The following NCALD variants were observed in gnomAD, a reference collection of about 807,000 sequenced individuals.
NCALD encodes the protein neurocalcin delta, also known as neurocalcin-delta.
NCALD carries 10 observed loss-of-function variants against 18.6 expected under a neutral mutation model. The ratio of observed to expected loss-of-function variants is 0.54; its 90% CI spans 0.33 to 0.91. The LOEUF is 0.91. NCALD is among the 40% of genes least tolerant of loss of function. NCALD has a pLI of 0.03. For synonymous variants in NCALD, 88 were observed against 87.4 expected, an observed-to-expected ratio of 1.01 and a Z score of -0.04; for missense variants, 184 against 247.6, an observed-to-expected ratio of 0.74 and a Z score of 1.72.
chr8:101,716,913 G>A (rs897494243), intron 2 of NCALD, among the ~76,000 whole-genome samples: 8 of 152,176 alleles, frequency 5.3e-5, no homozygotes, highest in Non-Finnish European at 7.3e-5. Flanking sequence ...GAGGGCCATC[G>A]GCCAAGGAAC....
chr8:102,011,501 A>G (rs1179259628), intron 2 of NCALD, among the ~76,000 whole-genome samples: 1 of 152,216 alleles, frequency 6.6e-6, no homozygotes, highest in African/African-American at 2.4e-5. Context: ...TGTTAAGACC[A>G]AGGGTACCCC....
chr8:101,810,738 C>T (rs377193138), intron 4 of NCALD, among the ~76,000 whole-genome samples: 1 of 152,038 alleles, frequency 6.6e-6, no homozygotes, highest in South Asian at 2.1e-4. Context: ...AAAAAGCACA[C>T]ACCACATACT....
chr8:101,873,756 T>G (rs1436538486), intron 4 of NCALD, among the ~76,000 whole-genome samples: 2 of 152,194 alleles, frequency 1.3e-5, no homozygotes, highest in Admixed American at 1.3e-4. Flanking sequence ...AGCCCTGAGC[T>G]TGGGGTAGAT....
intron 1 of NCALD, among the ~76,000 whole-genome samples, chr8:101,776,944 A>G (rs762966599): frequency 1.3e-5 from 2 of 152,190 alleles, no homozygotes; most frequent in Non-Finnish European, 2.9e-5. Context: ...ACCACTCTGC[A>G]GAAGAGGATA....
Position 102,036,146 on chromosome 8 carries a change from T to TAAA in NCALD, c.-209-15858_-209-15857insTTT, listed in dbSNP as rs59750368. 6.6e-3 allele frequency among the ~76,000 whole-genome samples: 958 copies of TAAA among 145,666 alleles called. 3 individuals are homozygous for TAAA. The highest frequency in any genetic ancestry group is 8.7e-3 in the Non-Finnish European group (570 of 65,710). On this transcript the variant is annotated intron_variant, in intron 1 of 6. Transcript: ENST00000311028. ...CTACAAAAATAAATAAATAAATAAATTAATTAATTAATTAAATTAGCCAGG... is the reference window on the plus strand; with the variant it reads ...CTACAAAAATAAATAAATAAATAAATAAATAATTAATTAATTAAATTAGCCAGG...
At chr8:102,106,445 G>GTATATATATATATATATATA (rs369201039) in intron 1 of NCALD, among the ~76,000 whole-genome samples, 167 of 132,406 alleles carry the variant, frequency 1.3e-3, no homozygotes, top group Non-Finnish European at 2.0e-3. Flanking sequence ...TTAGCATATA[G>GTATATATATATATATATATA]TATATATATA....
chr8:101,861,160 T>C (rs1029858031), intron 4 of NCALD, among the ~76,000 whole-genome samples: 3 of 152,112 alleles, frequency 2.0e-5, no homozygotes, highest in South Asian at 2.1e-4. Context: ...AATGGTAAGA[T>C]AGTAAATCTG....
chr8:101,756,944 T>C lies in NCALD; in HGVS notation c.-20+33918A>G, dbSNP rs1420805686. On this transcript the variant is annotated intron_variant, in intron 1 of 3. Coordinates refer to ENST00000220931, the MANE Select transcript of NCALD (RefSeq NM_032041.3). Reference sequence around the variant, plus strand: ...CAACATGGGTGTGGCTGAGAACTTCTGGAAGGATGAACACAATCAAAGACA... The same window carrying C: ...CAACATGGGTGTGGCTGAGAACTTCCGGAAGGATGAACACAATCAAAGACA... Among the ~76,000 whole-genome samples the C allele has an allele frequency of 1.3e-4, 20 of 152,234 alleles. 1 individual carries two copies. The highest frequency in any genetic ancestry group is 1.3e-3 in the Admixed American group (20 of 15,282).
At chr8:101,737,344 C>G (rs754807196) in intron 1 of NCALD, among the ~76,000 whole-genome samples, 4 of 152,196 alleles carry the variant, frequency 2.6e-5, no homozygotes, top group South Asian at 2.1e-4. Context: ...TTAATCCAAG[C>G]CTTCACTGTC....
At chr8:102,090,226 A>T (rs544808471) in intron 1 of NCALD, among the ~76,000 whole-genome samples, 124 of 152,350 alleles carry the variant, frequency 8.1e-4, no homozygotes, top group Non-Finnish European at 1.4e-3. Context: ...GATATGACTT[A>T]GTGTATGTTA....
At chr8:101,691,147 C>T (rs1032259376) in intron 3 of NCALD, 7 of 985,418 alleles carry the variant, frequency 7.1e-6, no homozygotes, top group South Asian at 4.7e-5. Flanking sequence ...TGGGGTCCAG[C>T]AGCCAAGCAC....
intron 1 of NCALD, among the ~76,000 whole-genome samples, chr8:102,091,024 A>T (rs1464524950): frequency 6.6e-6 from 1 of 152,162 alleles, no homozygotes; most frequent in Admixed American, 6.5e-5. Context: ...GTCACTTTCT[A>T]ACAGGCCCAG....
At chr8:102,060,178 T>C (rs1823794921) in intron 1 of NCALD, among the ~76,000 whole-genome samples, 1 of 151,986 alleles carries the variant, frequency 6.6e-6, no homozygotes, top group Admixed American at 6.5e-5. Context: ...AGACAGGGTT[T>C]CACTGTGTTA....
chr8:101,977,953 A>G (rs1049406821), intron 2 of NCALD, among the ~76,000 whole-genome samples: 1 of 152,134 alleles, frequency 6.6e-6, no homozygotes. Context: ...GCAGGAAATG[A>G]GCAAGCCCAG....
chr8:102,117,557 CTCACT>C (rs1210430716), intron 1 of NCALD, among the ~76,000 whole-genome samples: 3 of 151,060 alleles, frequency 2.0e-5, no homozygotes, highest in Non-Finnish European at 4.4e-5. Flanking sequence ...AGCCCAAGGT[CTCACT>C]AATGTTTAAA....
intron 1 of NCALD, among the ~76,000 whole-genome samples, chr8:101,743,691 T>C (rs1416687823): frequency 6.6e-6 from 1 of 152,206 alleles, no homozygotes; most frequent in Non-Finnish European, 1.5e-5. Flanking sequence ...TATTCACAGA[T>C]GCCAGAAGAA....
intron 1 of NCALD, among the ~76,000 whole-genome samples, chr8:102,069,803 T>C (rs998182818): frequency 6.6e-6 from 1 of 152,204 alleles, no homozygotes; most frequent in Non-Finnish European, 1.5e-5. Flanking sequence ...TATATAATAT[T>C]TTTTTAAGTT....
intron 1 of NCALD, among the ~76,000 whole-genome samples, chr8:102,034,173 G>A (rs1189225387): frequency 6.6e-6 from 1 of 152,094 alleles, no homozygotes; most frequent in African/African-American, 2.4e-5. Flanking sequence ...TGTTATACAA[G>A]GAGTGTGTCA....
chr8:101,724,799 G>T (rs190991988), intron 1 of NCALD, among the ~76,000 whole-genome samples: 2 of 152,342 alleles, frequency 1.3e-5, no homozygotes, highest in African/African-American at 4.8e-5. Flanking sequence ...GAGCCTAACT[G>T]TGAGTGTGGG....
Sources: gnomAD v4.1 joint callset for allele counts (sites outside exome capture counted in the v4.1 genomes callset) on GRCh38, gnomAD v4.1.1 for gene constraint, MANE v1.5 for transcripts, NCBI Gene and HGNC (gene_info 2026-07-23, HGNC 2026-07-21) for gene names.